RBPJ: variants seen among roughly 807,000 people sequenced by gnomAD.
RBPJ encodes recombining binding protein suppressor of hairless.
RBPJ carries 9 observed loss-of-function variants against 67.8 expected under a neutral mutation model. That is an observed-to-expected ratio of 0.13 (90% CI 0.08 to 0.23). RBPJ has a LOEUF of 0.23. Ranked by LOEUF, RBPJ falls within the 10% of genes least tolerant of loss-of-function variation. The probability of loss-of-function intolerance (pLI) is 1.00; values close to 1 mark genes in which losing one functional copy is unlikely to be tolerated. For missense variants in RBPJ, 305 were observed against 595.6 expected (o/e 0.51, Z 5.08); for synonymous variants, 198 against 203.3 (o/e 0.97, Z 0.22).
the RBPJ span, among the ~76,000 whole-genome samples, chr4:26,153,433 G>A: frequency 3.9e-5 from 6 of 152,198 alleles, no homozygotes; most frequent in Non-Finnish European, 7.3e-5. Flanking sequence ...GTCTCCACCT[G>A]TGATGCTGTG....
intron 1 of RBPJ, among the ~76,000 whole-genome samples, chr4:26,165,831 G>A (rs554120572): frequency 9.7e-4 from 144 of 149,044 alleles, no homozygotes; most frequent in African/African-American, 3.1e-3. Flanking sequence ...TCATCATTTA[G>A]CATTAGGTAT....
chr4:26,320,423 G>A, upstream of RBPJ: 1 of 347,080 alleles, frequency 2.9e-6, no homozygotes. Context: ...AGTCCCCGAC[G>A]TGTCACTTGC....
In RBPJ at chr4:26,331,451, C is replaced by G. The variant is rs1168484729; in HGVS notation, c.20+10403C>G. ...CTCAGCTGCCTTTTAATGTTACATG[C>G]ATTTTTAAAAAATAGCCCTTTTTCT... On this transcript the variant is annotated intron_variant, in intron 1 of 10. Coordinates refer to ENST00000355476, the MANE Select transcript of RBPJ (RefSeq NM_015874.6). Among the ~76,000 whole-genome samples the G allele has an allele frequency of 2.0e-5, 3 of 151,950 alleles. No homozygotes were observed. The East Asian group carries it at 5.8e-4, about 29-fold the overall frequency.
intron 1 of RBPJ, among the ~76,000 whole-genome samples, chr4:26,371,642 CA>C (rs1454525066): frequency 5.9e-5 from 9 of 152,196 alleles, no homozygotes; most frequent in Admixed American, 5.2e-4. Flanking sequence ...GCTGTTAACA[CA>C]GATTTCCCTG....
chr4:26,303,464 A>G (rs1055702341), intron 1 of RBPJ, among the ~76,000 whole-genome samples: 1 of 149,810 alleles, frequency 6.7e-6, no homozygotes, highest in Non-Finnish European at 1.5e-5. Flanking sequence ...AAGAAAGAAA[A>G]AAAAGAATAT....
At chr4:26,397,665 ACT>A (rs1178767733) in intron 2 of RBPJ, among the ~76,000 whole-genome samples, 1 of 151,846 alleles carries the variant, frequency 6.6e-6, no homozygotes, top group African/African-American at 2.4e-5. Context: ...ACAGAGTCTC[ACT>A]CTGTTGCCCA....
At chr4:26,405,835 A>C (rs1035658530) in intron 2 of RBPJ, among the ~76,000 whole-genome samples, 5 of 152,166 alleles carry the variant, frequency 3.3e-5, no homozygotes, top group Admixed American at 2.0e-4. Context: ...TATTAACTTT[A>C]TAATATTTTA....
chr4:26,368,981 C>A (rs1728892429), intron 1 of RBPJ, among the ~76,000 whole-genome samples: 1 of 152,106 alleles, frequency 6.6e-6, no homozygotes, highest in Non-Finnish European at 1.5e-5. Context: ...GTCTACTTTC[C>A]AAATCTGTTC....
At chr4:26,301,060 G>C (rs1248590402) in intron 1 of RBPJ, among the ~76,000 whole-genome samples, 1 of 152,168 alleles carries the variant, frequency 6.6e-6, no homozygotes, top group African/African-American at 2.4e-5. Flanking sequence ...ACAGGGAGGG[G>C]ACTGCTGATC....
At chr4:26,235,666 A>T (rs1719431211) in intron 1 of RBPJ, among the ~76,000 whole-genome samples, 1 of 152,154 alleles carries the variant, frequency 6.6e-6, no homozygotes. Flanking sequence ...GATGCCCTCT[A>T]GCTGTTCCAG....
intron 1 of RBPJ, among the ~76,000 whole-genome samples, chr4:26,178,726 C>T (rs556250078): frequency 5.3e-4 from 79 of 149,400 alleles, no homozygotes; most frequent in African/African-American, 1.9e-3. Flanking sequence ...ACCCACCATG[C>T]GATGTAATTC....
At chr4:26,379,174 GTTTT>G (rs1185093185) in intron 1 of RBPJ, among the ~76,000 whole-genome samples, 1 of 151,922 alleles carries the variant, frequency 6.6e-6, no homozygotes, top group Non-Finnish European at 1.5e-5. Context: ...TAGGATGTGG[GTTTT>G]TTTGTTTTTG....
chr4:26,329,119 G>A (rs1056529238), intron 1 of RBPJ, among the ~76,000 whole-genome samples: 2 of 152,090 alleles, frequency 1.3e-5, no homozygotes, highest in Non-Finnish European at 2.9e-5. Context: ...TCAGCCTCCC[G>A]AGTAGTTGGG....
chr4:26,255,307 G>A lies in RBPJ; in HGVS notation c.-167+91693G>A, dbSNP rs1255769436. On this transcript the variant is annotated intron_variant, in intron 1 of 4. Coordinates refer to the RBPJ transcript ENST00000512351. The stretch of plus-strand genomic sequence containing the variant: ...TAGTCCCAGCTACTCGGGAGGCTGA[G>A]GCAGGAGAATGGCGTGAACCCAGGA... Among the ~76,000 whole-genome samples, 5 of 131,410 alleles carry A rather than the reference G, an allele frequency of 3.8e-5. No homozygotes were observed. In the East Asian group the frequency reaches 1.1e-3, roughly 29 times the overall value. 86.2% of individuals were successfully genotyped at this position (131,410 alleles called of 152,430 possible).
At chr4:26,344,228 A>C (rs576250255) in intron 1 of RBPJ, among the ~76,000 whole-genome samples, 1 of 151,770 alleles carries the variant, frequency 6.6e-6, no homozygotes, top group Admixed American at 6.6e-5. Context: ...GCTAACTATA[A>C]TTATTTTTTA....
chr4:26,220,647 C>T (rs1483697160), intron 1 of RBPJ, among the ~76,000 whole-genome samples: 2 of 152,204 alleles, frequency 1.3e-5, no homozygotes, highest in East Asian at 1.9e-4. Context: ...TCAGACTGAA[C>T]AATCATTCCC....
At position 26,424,492 on chromosome 4, in the gene RBPJ, G is replaced by C. The variant is rs1488280398; in HGVS notation, c.634+13G>C. The C allele has an allele frequency of 6.2e-7, 1 of 1,612,550 alleles. No individual in the cohort carries two copies. The highest frequency in any genetic ancestry group is 1.7e-5 in the Admixed American group (1 of 59,786). ...TTTATTCATCTCTGTGAGTATAAAA[G>C]TGTGCATTTAATGTTTTTAGTGTGA... On this transcript the variant is annotated intron_variant, in intron 6 of 10. Transcript: ENST00000355476. The surrounding 1 kb of genome is among the most constrained non-coding windows in gnomAD (Gnocchi z 5.3).
upstream of RBPJ, among the ~76,000 whole-genome samples, chr4:26,159,886 G>A (rs1716044687): frequency 6.6e-6 from 1 of 151,850 alleles, no homozygotes; most frequent in South Asian, 2.1e-4. Flanking sequence ...GGAAGAGAGA[G>A]AGTCCAGGGC....
chr4:26,136,098 G>A, the RBPJ span, among the ~76,000 whole-genome samples: 44 of 152,240 alleles, frequency 2.9e-4, no homozygotes, highest in Non-Finnish European at 4.4e-4. Flanking sequence ...ATCAGATCCC[G>A]TGAGACTTAT....
Sources: allele counts gnomAD v4.1 joint callset (sites outside exome capture counted in the v4.1 genomes callset), GRCh38; gene constraint gnomAD v4.1.1; non-coding constraint Gnocchi (gnomAD v3.1); transcripts MANE v1.5; gene names NCBI Gene and HGNC (gene_info 2026-07-23, HGNC 2026-07-21).